The following MSRB1 variants were observed in gnomAD, a reference collection of about 807,000 sequenced individuals.
MSRB1 encodes methionine sulfoxide reductase B1.
A neutral mutation model predicts 15.2 loss-of-function variants in MSRB1; 13 were observed. The ratio of observed to expected loss-of-function variants is 0.86; its 90% CI spans 0.56 to 1.36. MSRB1 has a LOEUF of 1.36. Among genes scored for constraint, MSRB1 ranks in the 40% most tolerant of loss-of-function variants. MSRB1 has a pLI of 0.00. For synonymous variants in MSRB1, 68 were observed against 64.5 expected (o/e 1.05, Z -0.26); for missense variants, 174 against 155.9 (o/e 1.12, Z -0.62).
chr16:1,939,669 AT>A (rs2083063084), intron 3 of MSRB1, among the ~76,000 whole-genome samples: 1 of 152,066 alleles, frequency 6.6e-6, no homozygotes, highest in South Asian at 2.1e-4. Flanking sequence ...AATTTTAAAA[AT>A]TGGCTGGGTG....
At chr16:1,941,553 C>G in intron 1 of MSRB1, 148 bp from the exon 2 acceptor site, 1 of 1,126,414 alleles carries the variant, frequency 8.9e-7, no homozygotes, top group South Asian at 1.6e-5. Flanking sequence ...CCACGGGAGG[C>G]GCTGTGCTGA....
At chr16:1,939,213 G>T in intron 3 of MSRB1, 70 bp from the exon 4 acceptor site, 1 of 1,524,814 alleles carries the variant, frequency 6.6e-7, no homozygotes, top group African/African-American at 1.4e-5. Context: ...AGCCGGGCGC[G>T]GGGGCGGTGG....
intron 3 of MSRB1, among the ~76,000 whole-genome samples, chr16:1,939,914 T>G (rs532859461): frequency 6.6e-6 from 1 of 150,680 alleles, no homozygotes; most frequent in East Asian, 2.0e-4. Context: ...AGATTGGCCA[T>G]TGCACTCCAG....
chr16:1,939,199 G>T (rs921480757), intron 3 of MSRB1, 56 bp from the exon 4 acceptor site: 4 of 1,568,274 alleles, frequency 2.6e-6, no homozygotes, highest in Non-Finnish European at 3.5e-6. Flanking sequence ...AAGCAGGGGC[G>T]GAAAGCCGGG....
rs778319145 is a variant in MSRB1, at chr16:1,943,102, C to G, written c.55G>C (p.Gly19Arg). Residue 19 changes from glycine to arginine, a missense_variant and splice_region_variant, in exon 1 of 4, where the codon GGC becomes CGC. By Grantham distance (125) the Gly-to-Arg change is moderately radical (BLOSUM62 -2). Transcript: ENST00000361871. The stretch of plus-strand genomic sequence containing the variant: ...CCCAGCGAGAGGCCGCAGGACCAAC[C>G]AGGTTCAAAGTGATTCTGGAAAACC... ...GEVFQNHFEP[G>R]VYVCAKCGYE... The G allele has an allele frequency of 2.4e-5, 38 of 1,558,114 alleles. No homozygotes were observed. The highest frequency in any genetic ancestry group is 2.0e-5 in the Non-Finnish European group (23 of 1,151,212).
chr16:1,941,353 C>G lies in MSRB1; in HGVS notation c.108G>C (p.Lys36Asn), dbSNP rs770971469. The part of the protein sequence containing the change: ...CGYELFSSRS[K>N]YAHSSPWPAF... Reference sequence around the variant, plus strand: ...CCGGCCATGGAGACGAGTGTGCATACTTCGAGCGGCTGGAGAACAGCTCAT... The same window carrying G: ...CCGGCCATGGAGACGAGTGTGCATAGTTCGAGCGGCTGGAGAACAGCTCAT... Residue 36 changes from lysine to asparagine, a missense_variant, in exon 2 of 4, where the codon AAG becomes AAC. Lys to Asn is a moderately conservative substitution (Grantham distance 94). Coordinates refer to ENST00000361871, the MANE Select transcript of MSRB1 (RefSeq NM_016332.4). 21 of 1,613,872 alleles carry G rather than the reference C, an allele frequency of 1.3e-5. 1 individual carries two copies. The highest frequency in any genetic ancestry group is 2.7e-5 in the African/African-American group (2 of 74,992).
chr16:1,939,471 G>A (rs1485672478), intron 3 of MSRB1, among the ~76,000 whole-genome samples: 3 of 152,026 alleles, frequency 2.0e-5, no homozygotes, highest in Non-Finnish European at 4.4e-5. Flanking sequence ...GGTTTACCAC[G>A]CACCAGATCC....
At chr16:1,941,055 C>T in intron 2 of MSRB1, 163 bp from the exon 3 acceptor site, 2 of 1,551,602 alleles carry the variant, frequency 1.3e-6, no homozygotes, top group Non-Finnish European at 1.7e-6. Flanking sequence ...GTACAGGAAA[C>T]CTGTCCTGTT....
intron 1 of MSRB1, among the ~76,000 whole-genome samples, 176 bp downstream of exon 1, chr16:1,942,926 C>T (rs965175215): frequency 1.3e-5 from 2 of 152,056 alleles, no homozygotes; most frequent in African/African-American, 4.8e-5. Context: ...ACTCTCCTCG[C>T]CCCCAGGCTC....
chr16:1,941,142 G>C (rs1020058505), intron 2 of MSRB1, 115 bp downstream of exon 2: 25 of 1,555,970 alleles, frequency 1.6e-5, no homozygotes, highest in Non-Finnish European at 2.2e-5. Flanking sequence ...AACAGGCCTG[G>C]AATAGACGCC....
Position 1,938,937 on chromosome 16 carries a change from C to G in MSRB1, c.*175G>C. 1 of 879,134 alleles carries G rather than the reference C, an allele frequency of 1.1e-6. No individual in the cohort carries two copies. The highest frequency in any genetic ancestry group is 1.8e-6 in the Non-Finnish European group (1 of 555,666). The allele number at this position is 879,134 out of a possible 1,614,324, so 54.5% of individuals were successfully genotyped here. ...GCATGAACCATCAGCAAATGAGTCT[C>G]TTTTCCAAGAAACGAAAAGGTCTTG... On this transcript the variant is annotated 3_prime_UTR_variant, in exon 4 of 4. Transcript: ENST00000361871.
chr16:1,941,513 G>T, intron 1 of MSRB1, 108 bp from the exon 2 acceptor site: 1 of 1,428,502 alleles, frequency 7.0e-7, no homozygotes, highest in Non-Finnish European at 9.3e-7. Context: ...CCGTTCCGAG[G>T]GTAGGCTGTG....
At chr16:1,939,269 T>C in intron 3 of MSRB1, 126 bp from the exon 4 acceptor site, 1 of 1,086,146 alleles carries the variant, frequency 9.2e-7, no homozygotes, top group Non-Finnish European at 1.3e-6. Flanking sequence ...AGGCAGAGCT[T>C]CAGGTGCCGT....
In MSRB1 at chr16:1,939,149, A is replaced by G; in HGVS notation, c.320-6T>C. On this transcript the variant is annotated splice_region_variant and splice_polypyrimidine_tract_variant and intron_variant, in intron 3 of 3. Transcript: ENST00000361871. ...GGAGGCAGAAGTTTCTTTGCCTGAA[A>G]GAGAGGAGAGGGGGCGGAAAGTATG... The G allele has an allele frequency of 6.2e-7, 1 of 1,604,940 alleles. No individual in the cohort carries two copies. Among genetic ancestry groups the G allele is most frequent in the Non-Finnish European group, 8.5e-7 (1 of 1,177,152 alleles).
rs7900 is a variant in MSRB1, at chr16:1,938,509, T to A, written c.*603A>T. The A allele has an allele frequency of 0.028, 4,470 of 156,952 alleles. 226 individuals carry two copies. The highest frequency in any genetic ancestry group is 0.1 in the African/African-American group (4,216 of 41,558). 9.7% of individuals were successfully genotyped at this position (156,952 alleles called of 1,614,324 possible). On this transcript the variant is annotated 3_prime_UTR_variant, in exon 4 of 4. Coordinates refer to ENST00000361871, the MANE Select transcript of MSRB1 (RefSeq NM_016332.4). ...CACAGATTGTGAAACAGGGTTTAGGTTTCTCCCCTCGTGGACGAGAGGCCA... is the reference window on the plus strand; with the variant it reads ...CACAGATTGTGAAACAGGGTTTAGGATTCTCCCCTCGTGGACGAGAGGCCA...
Position 1,939,152 on chromosome 16 carries a change from G to C in MSRB1, c.320-9C>G. ...GGCAGAAGTTTCTTTGCCTGAAAGA[G>C]AGGAGAGGGGGCGGAAAGTATGCGG... On this transcript the variant is annotated splice_polypyrimidine_tract_variant and intron_variant, in intron 3 of 3. Transcript: ENST00000361871. The C allele has an allele frequency of 6.2e-7, 1 of 1,603,082 alleles. No homozygotes were observed. Among genetic ancestry groups the C allele is most frequent in the Non-Finnish European group, 8.5e-7 (1 of 1,176,676 alleles).
At chr16:1,942,441 G>A (rs528917818) in intron 1 of MSRB1, among the ~76,000 whole-genome samples, 95 of 152,378 alleles carry the variant, frequency 6.2e-4, no homozygotes, top group Middle Eastern at 3.4e-3. Flanking sequence ...GGCCAGTGTG[G>A]AGGGCTGGCC....
At chr16:1,943,062 C>G (rs761413198) in intron 1 of MSRB1, 40 bp downstream of exon 1, 7 of 1,548,692 alleles carry the variant, frequency 4.5e-6, no homozygotes, top group African/African-American at 2.7e-5. Flanking sequence ...TGCGCGCCCC[C>G]CGCCGCGCTG....
chr16:1,941,524 C>T (rs894101817), intron 1 of MSRB1, 119 bp from the exon 2 acceptor site: 63 of 1,386,050 alleles, frequency 4.5e-5, no homozygotes, highest in Non-Finnish European at 6.1e-5. Context: ...GTAGGCTGTG[C>T]TCCTTCCCCA....
Sources: gnomAD v4.1 joint callset for allele counts (sites outside exome capture counted in the v4.1 genomes callset) on GRCh38, gnomAD v4.1.1 for gene constraint, MANE v1.5 for transcripts, NCBI Gene and HGNC (gene_info 2026-07-23, HGNC 2026-07-21) for gene names.